The following NETO2 variants were observed in gnomAD, a reference collection of about 807,000 sequenced individuals.
NETO2 encodes neuropilin and tolloid-like protein 2.
In NETO2, 28 loss-of-function variants were observed where a neutral mutation model predicts 62.5. That is an observed-to-expected ratio of 0.45 (90% CI 0.33 to 0.61). The LOEUF is 0.61. NETO2 is among the 20% of genes least tolerant of loss of function. NETO2 has a pLI of 0.02. For synonymous variants in NETO2, 214 were observed against 219.1 expected (o/e 0.98, Z 0.21); for missense variants, 548 against 643.2 (o/e 0.85, Z 1.60).
chr16:47,129,882 G>C (rs180999332), intron 2 of NETO2, among the ~76,000 whole-genome samples: 5 of 152,354 alleles, frequency 3.3e-5, no homozygotes, highest in Admixed American at 6.5e-5. Flanking sequence ...TAAACAGAGA[G>C]GGGTAGATAT....
intron 6 of NETO2, among the ~76,000 whole-genome samples, chr16:47,122,230 G>A (rs936563683): frequency 6.6e-6 from 1 of 152,098 alleles, no homozygotes; most frequent in Non-Finnish European, 1.5e-5. Context: ...GAACAGACTC[G>A]ACACATTTGG....
intron 7 of NETO2, among the ~76,000 whole-genome samples, chr16:47,094,783 A>G (rs568594194): frequency 1.3e-5 from 2 of 152,212 alleles, no homozygotes; most frequent in South Asian, 4.2e-4. Flanking sequence ...CAGTGGTGCA[A>G]TCTTAGCTCA....
chr16:47,122,081 A>T (rs1343096111), intron 6 of NETO2, among the ~76,000 whole-genome samples: 1 of 152,202 alleles, frequency 6.6e-6, no homozygotes, highest in African/African-American at 2.4e-5. Context: ...ATATAATTTT[A>T]ACTCTGTTGA....
In NETO2 at chr16:47,129,245, CCTT is replaced by C. The variant is rs1455029831; in HGVS notation, c.208_210del (p.Lys70del). ...ATACCTTCCAAAATGTAGATACACT[CCTT>C]GTTTGGTGGATATGAGTCAGGATAA... is the stretch of plus-strand genomic sequence containing the variant. On this transcript the variant is annotated inframe_deletion, in exon 3 of 9. Transcript: ENST00000562435. 1 of 1,613,896 alleles carries C rather than the reference CCTT, an allele frequency of 6.2e-7. No homozygotes were observed. Among genetic ancestry groups the C allele is most frequent in the Non-Finnish European group, 8.5e-7 (1 of 1,179,938 alleles).
Position 47,106,425 on chromosome 16 carries a change from C to T in NETO2, c.883+3058G>A, listed in dbSNP as rs1482911121. Among the ~76,000 whole-genome samples, 5 of 151,920 alleles carry T rather than the reference C, an allele frequency of 3.3e-5. 1 individual carries two copies. ...ATGTACTTAATGCCACTGATTTGTA[C>T]ATTTAAAAGTGACTGAGGGTAAATT... On this transcript the variant is annotated intron_variant, in intron 7 of 8. Transcript: ENST00000562435.
intron 7 of NETO2, among the ~76,000 whole-genome samples, chr16:47,106,389 C>A (rs1963675148): frequency 6.6e-6 from 1 of 151,784 alleles, no homozygotes; most frequent in Non-Finnish European, 1.5e-5. Flanking sequence ...GATGGTTGCA[C>A]AACAATGTGC....
chr16:47,091,243 T>C (rs780322095), intron 7 of NETO2, among the ~76,000 whole-genome samples: 2 of 152,228 alleles, frequency 1.3e-5, no homozygotes, highest in Non-Finnish European at 2.9e-5. Flanking sequence ...AAGTTAAATC[T>C]ATTGCAGCCT....
Position 47,143,620 on chromosome 16 carries a change from A to C in NETO2, c.-8T>G. The C allele has an allele frequency of 8.2e-7, 1 of 1,221,860 alleles. No individual in the cohort carries two copies. 75.7% of individuals were successfully genotyped at this position (1,221,860 alleles called of 1,614,324 possible). A position where few individuals can be genotyped will look rare whatever the true frequency, so the allele number is the denominator to read the frequency against. On this transcript the variant is annotated 5_prime_UTR_variant, in exon 1 of 9. Coordinates refer to ENST00000562435, the MANE Select transcript of NETO2 (RefSeq NM_018092.5). ...GAGCCGCTCCAGGGCCATGTTCCCGAGCTGCCCGGCGCTTCGCGAAGGGCT... is the reference window on the plus strand; with the variant it reads ...GAGCCGCTCCAGGGCCATGTTCCCGCGCTGCCCGGCGCTTCGCGAAGGGCT...
At chr16:47,085,627 G>A (rs528427606) in intron 8 of NETO2, among the ~76,000 whole-genome samples, 3 of 151,320 alleles carry the variant, frequency 2.0e-5, no homozygotes, top group South Asian at 4.2e-4. Context: ...CAGGTGATCC[G>A]CCTGCCTCAG....
intron 4 of NETO2, among the ~76,000 whole-genome samples, chr16:47,124,716 A>T (rs1286705852): frequency 6.6e-6 from 1 of 152,206 alleles, no homozygotes; most frequent in Non-Finnish European, 1.5e-5. Context: ...AGTGAAATGC[A>T]ATCTAGTCCT....
intron 6 of NETO2, among the ~76,000 whole-genome samples, chr16:47,115,701 A>G (rs1342951504): frequency 2.2e-5 from 3 of 137,290 alleles, no homozygotes; most frequent in Admixed American, 2.1e-4. Context: ...TAATTTTTAT[A>G]TATATATATA....
Position 47,078,783 on chromosome 16 carries a change from C to G in NETO2, c.*4438G>C, listed in dbSNP as rs555110224. 1.3e-5 allele frequency: 2 copies of G among 152,286 alleles called. No homozygotes were observed. Among genetic ancestry groups the G allele is most frequent in the East Asian group, 3.9e-4 (2 of 5,190 alleles). 9.4% of individuals were successfully genotyped at this position (152,286 alleles called of 1,614,324 possible). A position where few individuals can be genotyped will look rare whatever the true frequency, so the allele number is the denominator to read the frequency against. Reference sequence around the variant, plus strand: ...GGAGCTCTTCCTGCCTAGTATCGAGCCTGTATACTGTTAACAAACATTGCT... The same window carrying G: ...GGAGCTCTTCCTGCCTAGTATCGAGGCTGTATACTGTTAACAAACATTGCT... On this transcript the variant is annotated 3_prime_UTR_variant, in exon 9 of 9. Transcript: ENST00000562435.
At chr16:47,134,080 G>A (rs1464792090) in intron 1 of NETO2, among the ~76,000 whole-genome samples, 2 of 152,178 alleles carry the variant, frequency 1.3e-5, no homozygotes, top group African/African-American at 4.8e-5. Context: ...AGGACGTGAG[G>A]GGTGAGGGAG....
chr16:47,138,483 T>A (rs1357663393), intron 1 of NETO2, among the ~76,000 whole-genome samples: 1 of 152,214 alleles, frequency 6.6e-6, no homozygotes, highest in Non-Finnish European at 1.5e-5. Flanking sequence ...ACAATTCCCC[T>A]AAGTTGCACA....
intron 2 of NETO2, among the ~76,000 whole-genome samples, chr16:47,131,232 C>T (rs114835059): frequency 1.3e-3 from 198 of 152,024 alleles, no homozygotes; most frequent in Non-Finnish European, 1.7e-3. Context: ...ATGGGGTGGA[C>T]GGTAGGTGCG....
chr16:47,119,376 T>C (rs148020341), intron 6 of NETO2, among the ~76,000 whole-genome samples: 3,204 of 151,928 alleles, frequency 0.021, 116 homozygotes, highest in African/African-American at 0.073. Context: ...TGGTCTTGAT[T>C]TCCTGACCTC....
At chr16:47,130,031 G>A (rs1200914562) in intron 2 of NETO2, among the ~76,000 whole-genome samples, 2 of 152,132 alleles carry the variant, frequency 1.3e-5, no homozygotes, top group African/African-American at 4.8e-5. Flanking sequence ...CACAAATCTA[G>A]CAGCTCTACA....
intron 7 of NETO2, among the ~76,000 whole-genome samples, chr16:47,104,071 T>C (rs1963616758): frequency 6.6e-6 from 1 of 152,098 alleles, no homozygotes; most frequent in Non-Finnish European, 1.5e-5. Flanking sequence ...GAAAGGAAGA[T>C]AAAAGGTTTT....
Position 47,129,355 on chromosome 16 carries a change from T to C in NETO2, c.101A>G (p.Asn34Ser). ...TGCAGGAATATGCTTGATTCCAATA[T>C]TTTGTCCATCTTAGGGAAAAACGGC... ...AVAQKTQDGQNIGIKHIPATQ... is the reference protein window; with the variant it reads ...AVAQKTQDGQSIGIKHIPATQ... Residue 34 changes from asparagine (N) to serine (S), a missense_variant, in exon 3 of 9, where the codon AAT (asparagine) becomes AGT (serine). Transcript: ENST00000562435. 8 of 1,613,862 alleles carry C rather than the reference T, an allele frequency of 5.0e-6. No individual in the cohort carries two copies. Among genetic ancestry groups the C allele is most frequent in the Non-Finnish European group, 6.8e-6 (8 of 1,179,914 alleles).
Sources: allele counts gnomAD v4.1 joint callset (sites outside exome capture counted in the v4.1 genomes callset), GRCh38; gene constraint gnomAD v4.1.1; transcripts MANE v1.5; gene names NCBI Gene and HGNC (gene_info 2026-07-23, HGNC 2026-07-21).